Variants in AHI1 observed in about 807,000 individuals in gnomAD.
AHI1 encodes the protein jouberin.
Under a neutral mutation model 149.3 loss-of-function variants are expected in AHI1, and 123 were observed. That is an observed-to-expected ratio of 0.82 (90% CI 0.71 to 0.96). The LOEUF is 0.96. Among genes scored for constraint, AHI1 ranks in the 40% least tolerant of loss-of-function variants. AHI1 has a pLI of 0.00. For missense variants in AHI1, 1,439 were observed against 1,422.7 expected (o/e 1.01, Z -0.18); for synonymous variants, 475 against 459.8 (o/e 1.03, Z -0.42).
At chr6:135,466,412 C>T (rs1005590544) in intron 6 of AHI1, 39 bp from the exon 7 acceptor site, 23 of 1,522,962 alleles carry the variant, frequency 1.5e-5, no homozygotes, top group Non-Finnish European at 2.1e-5. Flanking sequence ...TTCAGTTACA[C>T]ATAGATTAGT....
intron 23 of AHI1, among the ~76,000 whole-genome samples, chr6:135,385,617 C>T (rs73777507): frequency 0.053 from 8,002 of 152,192 alleles, 632 homozygotes; most frequent in African/African-American, 0.17. Context: ...TATTGGAGGG[C>T]TGTAGTAGAT....
chr6:135,429,967 T>C lies in AHI1; in HGVS notation c.2407A>G (p.Ile803Val), dbSNP rs763696602. ...IKETEFKGIP[I>V]SYLEIHPNGK... ...TTGGGATGAATCTCCAAATAACTTA[T>C]TGGAATTCCCTTAAACTCAGTTTCT... Residue 803 changes from isoleucine (I) to valine (V), a missense_variant, in exon 18 of 29, where the codon ATA becomes GTA. By Grantham distance (29) the Ile-to-Val change is conservative. Transcript: ENST00000265602. The C allele has an allele frequency of 1.8e-5, 28 of 1,583,632 alleles. No homozygotes were observed. The highest frequency in any genetic ancestry group is 1.7e-4 in the Middle Eastern group (1 of 6,002).
chr6:135,318,984 T>C (rs1005689917), intron 25 of AHI1, among the ~76,000 whole-genome samples: 1 of 152,224 alleles, frequency 6.6e-6, no homozygotes, highest in East Asian at 1.9e-4. Flanking sequence ...CATCAAAAGA[T>C]AGTCTTCATT....
At chr6:135,375,705 T>C (rs904971273) in intron 23 of AHI1, among the ~76,000 whole-genome samples, 3 of 152,220 alleles carry the variant, frequency 2.0e-5, no homozygotes, top group East Asian at 1.9e-4. Flanking sequence ...GGAATATCAA[T>C]ATAAACTTGA....
intron 19 of AHI1, among the ~76,000 whole-genome samples, chr6:135,428,240 C>G (rs17721931): frequency 0.024 from 3,690 of 151,668 alleles, 65 homozygotes; most frequent in East Asian, 0.055. Flanking sequence ...AGGTATGTTT[C>G]CGTTACTAAT....
At chr6:135,285,700 G>A (rs1781597371) in intron 28 of AHI1, 53 bp from the exon 29 acceptor site, 1 of 1,480,256 alleles carries the variant, frequency 6.8e-7, no homozygotes, top group African/African-American at 1.4e-5. Flanking sequence ...AATGTCTTCT[G>A]ACTACAACCA....
intron 26 of AHI1, chr6:135,302,184 TTC>T: frequency 1.0e-6 from 1 of 985,418 alleles, no homozygotes; most frequent in African/African-American, 1.7e-5. Flanking sequence ...AGTATCATTT[TTC>T]TCTCTTTGCC....
chr6:135,313,680 C>T (rs1240195441), intron 26 of AHI1, among the ~76,000 whole-genome samples: 1 of 152,126 alleles, frequency 6.6e-6, no homozygotes, highest in Non-Finnish European at 1.5e-5. Context: ...GTGAGTCCAC[C>T]TAAGTAGAGT....
chr6:135,453,231 C>A, intron 11 of AHI1, 110 bp downstream of exon 11: 1 of 841,220 alleles, frequency 1.2e-6, no homozygotes. Context: ...ATCCCTACAA[C>A]ATTACCTTAG....
chr6:135,358,554 T>A (rs1793353824), intron 23 of AHI1, among the ~76,000 whole-genome samples: 1 of 152,220 alleles, frequency 6.6e-6, no homozygotes, highest in African/African-American at 2.4e-5. Context: ...AAAAGAAGTA[T>A]CACAAGGGCT....
intron 24 of AHI1, among the ~76,000 whole-genome samples, chr6:135,348,824 T>C (rs1012351605): frequency 2.0e-5 from 3 of 152,176 alleles, no homozygotes; most frequent in Admixed American, 6.5e-5. Context: ...TAGGGTTAAA[T>C]AGTAATAGCT....
At chr6:135,431,116 C>G in intron 17 of AHI1, 92 bp downstream of exon 17, 1 of 754,352 alleles carries the variant, frequency 1.3e-6, no homozygotes, top group East Asian at 3.0e-5. Flanking sequence ...AATGAGAGAA[C>G]AGAATGTCCT....
chr6:135,290,330 G>T (rs1010267877), intron 28 of AHI1, 93 bp downstream of exon 28: 4 of 800,220 alleles, frequency 5.0e-6, no homozygotes, highest in Non-Finnish European at 6.4e-6. Flanking sequence ...TATTTTACTT[G>T]CCTCTCTCTG....
At chr6:135,491,337 A>G (rs1439981656) in intron 4 of AHI1, among the ~76,000 whole-genome samples, 1 of 152,284 alleles carries the variant, frequency 6.6e-6, no homozygotes, top group East Asian at 1.9e-4. Context: ...ATATCCCCTT[A>G]GATGCCTATG....
chr6:135,412,668 T>C (rs1781773899), intron 20 of AHI1, among the ~76,000 whole-genome samples: 1 of 152,130 alleles, frequency 6.6e-6, no homozygotes, highest in South Asian at 2.1e-4. Context: ...ACTTGAAAAA[T>C]ATTAAATGTC....
chr6:135,290,418 C>T lies in AHI1; in HGVS notation c.3588+5G>A. ...AGCGCAACTTTCTATTGGTTTTCCC[C>T]TTACCTCTATTAGAGTGACTTTTCT... On this transcript the variant is annotated splice_donor_5th_base_variant and intron_variant, in intron 28 of 28. Coordinates refer to ENST00000265602, the MANE Select transcript of AHI1 (RefSeq NM_001134831.2). The T allele has an allele frequency of 6.6e-7, 1 of 1,506,136 alleles. No homozygotes were observed. Among genetic ancestry groups the T allele is most frequent in the South Asian group, 1.1e-5 (1 of 88,810 alleles). The allele number at this position is 1,506,136 out of a possible 1,614,324, so 93.3% of individuals were successfully genotyped here.
intron 13 of AHI1, among the ~76,000 whole-genome samples, chr6:135,443,361 A>T (rs1786631354): frequency 6.6e-6 from 1 of 152,146 alleles, no homozygotes; most frequent in African/African-American, 2.4e-5. Context: ...TATTTATCCT[A>T]ATTCTATCTC....
At chr6:135,329,100 A>T (rs922128003) in intron 24 of AHI1, among the ~76,000 whole-genome samples, 1 of 152,252 alleles carries the variant, frequency 6.6e-6, no homozygotes, top group African/African-American at 2.4e-5. Context: ...TCCGTAACAT[A>T]AAAGTGCAAG....
rs1226672906 is a variant in AHI1, at chr6:135,356,217, C to A, written c.3165+1915G>T. 2.6e-5 allele frequency among the ~76,000 whole-genome samples: 4 copies of A among 152,150 alleles called. No individual in the cohort carries two copies. The South Asian group carries it at 8.3e-4, about 32-fold the overall frequency. ...AACAGATACTTAAATCATGGTATCT[C>A]TTCTTTTTTTGGGTCAGTAGAATAC... is the stretch of plus-strand genomic sequence containing the variant. On this transcript the variant is annotated intron_variant, in intron 24 of 28. Coordinates refer to ENST00000265602, the MANE Select transcript of AHI1 (RefSeq NM_001134831.2).
Sources: gnomAD v4.1 joint callset for allele counts (sites outside exome capture counted in the v4.1 genomes callset) on GRCh38, gnomAD v4.1.1 for gene constraint, MANE v1.5 for transcripts, NCBI Gene and HGNC (gene_info 2026-07-23, HGNC 2026-07-21) for gene names.